Variants in DDX11 observed in about 807,000 individuals in gnomAD.
DDX11 encodes DEAD/H-box helicase 11, also known as ATP-dependent DNA helicase DDX11.
A neutral mutation model predicts 125.2 loss-of-function variants in DDX11; 72 were observed. That is an observed-to-expected ratio of 0.58 (90% confidence interval 0.48 to 0.70). DDX11 has a LOEUF of 0.70. DDX11 is among the 30% of genes least tolerant of loss of function. The pLI is 0.00. For missense variants in DDX11, 883 were observed against 1,165.0 expected (o/e 0.76, Z 3.52); for synonymous variants, 347 against 452.6 (o/e 0.77, Z 2.96).
Position 31,089,433 on chromosome 12 carries a change from C to G in DDX11, c.823C>G (p.Leu275Val). 1 of 1,613,968 alleles carries G rather than the reference C, an allele frequency of 6.2e-7. No individual in the cohort carries two copies. The highest frequency in any genetic ancestry group is 2.2e-5 in the East Asian group (1 of 44,880). ...NLCVNEDVKS[L>V]GSVQLINDRC... ...TTGTGTAAATGAAGACGTGAAAAGC[C>G]TAGGTTCTGTGCAGCTTATCAACGA... The change falls in exon 8 of 27, where the codon CTA becomes GTA. Residue 275 changes from leucine to valine, a missense_variant. This residue lies in a region of DDX11 where 283 missense variants were observed against 359.6 expected (regional missense o/e 0.79). Coordinates refer to ENST00000542838, the MANE Select transcript of DDX11 (RefSeq NM_030653.4).
Position 31,084,510 on chromosome 12 carries a change from T to G in DDX11, c.394-73T>G, listed in dbSNP as rs1282191168. 3.7e-6 allele frequency: 5 copies of G among 1,343,448 alleles called. No homozygotes were observed. The South Asian group carries it at 5.0e-5, about 13-fold the overall frequency. 83.2% of individuals were successfully genotyped at this position (1,343,448 alleles called of 1,614,324 possible). A position where few individuals can be genotyped will look rare whatever the true frequency, so the allele number is the denominator to read the frequency against. ...CCCAGTGAGGAGGCGCCGGGCTGAG[T>G]GGCCCAGACTCCTTAGGAGAGGCCT... On this transcript the variant is annotated intron_variant, in intron 3 of 26. Transcript: ENST00000542838.
intron 10 of DDX11, among the ~76,000 whole-genome samples, chr12:31,092,313 C>T (rs1363250592): frequency 6.6e-6 from 1 of 152,178 alleles, no homozygotes; most frequent in African/African-American, 2.4e-5. Flanking sequence ...TTCACGCTGA[C>T]TCTGCCATGG....
chr12:31,103,828 T>G lies in DDX11; in HGVS notation c.2713T>G (p.Ser905Ala). ...CCAGTTTCACCGGGAGAAGTCGGCC[T>G]CTTCCTGATGGGCAACCACACCACT... ...VQKFHREKSA[S>A]S The change falls in exon 27 of 27, where the codon TCT becomes GCT. Residue 905 changes from serine (S) to alanine (A), a missense_variant. By Grantham distance (99) the Ser-to-Ala change is moderately conservative. Around this residue, in one of 5 missense-constraint regions of DDX11, gnomAD observed 285 missense variants for 346.0 expected, o/e 0.82. Coordinates refer to ENST00000542838, the MANE Select transcript of DDX11 (RefSeq NM_030653.4). 1 of 1,613,940 alleles carries G rather than the reference T, an allele frequency of 6.2e-7. No individual in the cohort carries two copies. The highest frequency in any genetic ancestry group is 8.5e-7 in the Non-Finnish European group (1 of 1,179,870).
chr12:31,096,441 G>T lies in DDX11; in HGVS notation c.1521+62G>T, dbSNP rs1371244159. On this transcript the variant is annotated intron_variant, in intron 15 of 26. Transcript: ENST00000542838. ...AGCTGTGCCCCAACCCCCTGCCCTT[G>T]CCATGCTTTCCTCCCCTGCCCTCAG... The T allele has an allele frequency of 3.7e-6, 6 of 1,613,312 alleles. No individual in the cohort carries two copies. The South Asian group carries it at 6.6e-5, about 18-fold the overall frequency.
At chr12:31,089,817 C>T (rs1300642282) in intron 8 of DDX11, 69 bp from the exon 9 acceptor site, 7 of 1,562,084 alleles carry the variant, frequency 4.5e-6, no homozygotes, top group Non-Finnish European at 6.1e-6. Context: ...CATTACACAA[C>T]CCCCTCTTGG....
Position 31,104,277 on chromosome 12 carries a change from C to T in DDX11, c.*441C>T, listed in dbSNP as rs184175353. On this transcript the variant is annotated 3_prime_UTR_variant, in exon 27 of 27. Coordinates refer to ENST00000542838, the MANE Select transcript of DDX11 (RefSeq NM_030653.4). ...TTATAGCTGCCCTGGACTGCTCACTCTCTGGTCTCAATTTAAAATGATCCA... is the reference window on the plus strand; with the variant it reads ...TTATAGCTGCCCTGGACTGCTCACTTTCTGGTCTCAATTTAAAATGATCCA... 6 of 602,608 alleles carry T rather than the reference C, an allele frequency of 1.0e-5. No homozygotes were observed. In the Admixed American group the frequency reaches 1.6e-4, roughly 16 times the overall value. 37.3% of individuals were successfully genotyped at this position (602,608 alleles called of 1,614,324 possible). A position where few individuals can be genotyped will look rare whatever the true frequency, so the allele number is the denominator to read the frequency against.
chr12:31,099,766 TTGTA>T (rs1946052314), intron 18 of DDX11, among the ~76,000 whole-genome samples: 1 of 152,050 alleles, frequency 6.6e-6, no homozygotes, highest in Non-Finnish European at 1.5e-5. Flanking sequence ...ATGTAAATAT[TTGTA>T]TGGCTCAAAA....
rs753255128 is a variant in DDX11, at chr12:31,101,055, G to A, written c.1977G>A (p.Leu659=). The change falls in exon 20 of 27, where the codon CTG becomes CTA. Residue 659 remains leucine, a synonymous_variant. Coordinates refer to ENST00000542838, the MANE Select transcript of DDX11 (RefSeq NM_030653.4). Reference sequence around the variant, plus strand: ...ACGTGATCCCTCCAGACAACATCCTGCCCCTCGTCATCTGCAGCGGGATCT... The same window carrying A: ...ACGTGATCCCTCCAGACAACATCCTACCCCTCGTCATCTGCAGCGGGATCT... ...CGHVIPPDNI[L]PLVICSGISN... 3 of 1,614,126 alleles carry A rather than the reference G, an allele frequency of 1.9e-6. No homozygotes were observed. The highest frequency in any genetic ancestry group is 2.5e-6 in the Non-Finnish European group (3 of 1,180,014).
At chr12:31,080,794 G>A (rs576499114) in intron 2 of DDX11, among the ~76,000 whole-genome samples, 11 of 152,170 alleles carry the variant, frequency 7.2e-5, no homozygotes, top group Admixed American at 1.3e-4. Context: ...GCCCAGGGCC[G>A]AGTGCAGTGT....
chr12:31,103,049 A>G (rs762051416), intron 24 of DDX11, 29 bp downstream of exon 24: 8 of 1,610,784 alleles, frequency 5.0e-6, no homozygotes, highest in African/African-American at 1.3e-5. Context: ...ACAGAGGGTG[A>G]CAGGAGAGTA....
rs1942541315 is a variant in DDX11, at chr12:31,084,049, G to A, written c.381G>A (p.Val127=). ...AGAAGAAAGAAGAGAGGGACCTGGTGGACCGACTAAAGGTGAGACCTGGGG... is the reference window on the plus strand; with the variant it reads ...AGAAGAAAGAAGAGAGGGACCTGGTAGACCGACTAAAGGTGAGACCTGGGG... ...FVQKKEERDL[V]DRLKAEQARR... The change falls in exon 3 of 27, where the codon GTG becomes GTA. Residue 127 remains valine (V), a synonymous_variant. Coordinates refer to ENST00000542838, the MANE Select transcript of DDX11 (RefSeq NM_030653.4). The A allele has an allele frequency of 6.2e-7, 1 of 1,613,920 alleles. No homozygotes were observed. Among genetic ancestry groups the A allele is most frequent in the African/African-American group, 1.3e-5 (1 of 75,038 alleles).
chr12:31,095,847 G>A (rs1449196560), intron 14 of DDX11, among the ~76,000 whole-genome samples: 1 of 151,640 alleles, frequency 6.6e-6, no homozygotes, highest in East Asian at 2.0e-4. Context: ...ATCGAAGGAC[G>A]TCGCTCTTTT....
At position 31,102,808 on chromosome 12, in the gene DDX11, A is replaced by G. The variant is rs1946623386; in HGVS notation, c.2373-128A>G. ...TCTCCAGGTGGTAGGTACAGAGTGG[A>G]GAGAGGCTGAGTTTTGATCACAGTC... On this transcript the variant is annotated intron_variant, in intron 23 of 26. Coordinates refer to ENST00000542838, the MANE Select transcript of DDX11 (RefSeq NM_030653.4). 24 of 823,304 alleles carry G rather than the reference A, an allele frequency of 2.9e-5. No individual in the cohort carries two copies. The Admixed American group carries it at 3.0e-4, about 10-fold the overall frequency. 51.0% of individuals were successfully genotyped at this position (823,304 alleles called of 1,614,324 possible). A position where few individuals can be genotyped will look rare whatever the true frequency, so the allele number is the denominator to read the frequency against.
rs911343757 is a variant in DDX11 at position 31,089,316 on chromosome 12, G to A, written c.793-87G>A. 2.5e-4 allele frequency: 369 copies of A among 1,494,772 alleles called. 4 individuals carry two copies. The South Asian group carries it at 3.0e-3, about 12-fold the overall frequency. The allele number at this position is 1,494,772 out of a possible 1,614,324, so 92.6% of individuals were successfully genotyped here. A position where few individuals can be genotyped will look rare whatever the true frequency, so the allele number is the denominator to read the frequency against. On this transcript the variant is annotated intron_variant, in intron 7 of 26. Coordinates refer to ENST00000542838, the MANE Select transcript of DDX11 (RefSeq NM_030653.4). ...CGGCCCAGCACTGGAAGGCAAAGGA[G>A]AGGTGGCGGGGCAGGTCCACGTGTG... is the stretch of plus-strand genomic sequence containing the variant.
chr12:31,096,539 T>A (rs1281604787), intron 15 of DDX11, 98 bp from the exon 16 acceptor site: 2 of 1,587,918 alleles, frequency 1.3e-6, no homozygotes, highest in African/African-American at 2.7e-5. Context: ...GGATGTGTGC[T>A]GCAGGTGTCT....
chr12:31,101,548 A>G, intron 20 of DDX11: 1 of 516,904 alleles, frequency 1.9e-6, no homozygotes, highest in Non-Finnish European at 3.5e-6. Flanking sequence ...CCTGGACAGA[A>G]GAAGGGAGGA....
chr12:31,099,435 A>T (rs1945992287), intron 18 of DDX11, among the ~76,000 whole-genome samples: 3 of 151,226 alleles, frequency 2.0e-5, no homozygotes, highest in South Asian at 2.1e-4. Flanking sequence ...CTTTTATTGT[A>T]CCTCTTTTTC....
At chr12:31,091,145 T>A (rs563141129) in intron 9 of DDX11, 1 of 152,410 alleles carries the variant, frequency 6.6e-6, no homozygotes, top group African/African-American at 2.4e-5. Flanking sequence ...TCCGATATTT[T>A]ATTTTTTATA....
intron 18 of DDX11, among the ~76,000 whole-genome samples, chr12:31,099,838 C>T (rs927723874): frequency 1.3e-5 from 2 of 151,872 alleles, no homozygotes; most frequent in Non-Finnish European, 2.9e-5. Context: ...CCTTTCCAGC[C>T]CATTCCCCAC....
Sources: gnomAD v4.1 joint callset for allele counts (sites outside exome capture counted in the v4.1 genomes callset) on GRCh38, gnomAD v4.1.1 for gene constraint, gnomAD v4.1.1 regional missense constraint, MANE v1.5 for transcripts, NCBI Gene and HGNC (gene_info 2026-07-23, HGNC 2026-07-21) for gene names.